Variants in FABP12 observed in about 807,000 individuals in gnomAD.
The protein encoded by FABP12 is fatty acid-binding protein 12.
In FABP12, 19 loss-of-function variants were observed where a neutral mutation model predicts 13.7. The observed-to-expected ratio is 1.39, with a 90% CI of 0.97 to 2.04. The LOEUF is 2.04. FABP12 is among the 30% of genes most tolerant of loss of function. The probability of loss-of-function intolerance (pLI) is 0.00; values close to 1 mark genes in which losing one functional copy is unlikely to be tolerated. For synonymous variants in FABP12, 61 were observed against 57.0 expected, an observed-to-expected ratio of 1.07 and a Z score of -0.32; for missense variants, 182 against 164.2, an observed-to-expected ratio of 1.11 and a Z score of -0.59.
chr8:81,568,108 C>G (rs1181829646), intron 1 of FABP12, among the ~76,000 whole-genome samples: 1 of 145,152 alleles, frequency 6.9e-6, no homozygotes, highest in Non-Finnish European at 1.5e-5. Context: ...CCCGCCTGGG[C>G]GACAGAGCGA....
chr8:81,587,755 G>A (rs1270575876), intron 1 of FABP12, among the ~76,000 whole-genome samples: 2 of 151,886 alleles, frequency 1.3e-5, no homozygotes, highest in Non-Finnish European at 2.9e-5. Flanking sequence ...TTCTCTAGAG[G>A]GACAGAACTA....
chr8:81,530,135 C>T (rs577653416), intron 2 of FABP12, among the ~76,000 whole-genome samples: 63 of 152,186 alleles, frequency 4.1e-4, no homozygotes, highest in African/African-American at 1.4e-3. Flanking sequence ...TTTGAAGTTA[C>T]AATTCAGTGG....
chr8:81,579,302 C>T (rs748305413), intron 1 of FABP12, among the ~76,000 whole-genome samples: 14 of 151,952 alleles, frequency 9.2e-5, no homozygotes, highest in South Asian at 2.1e-4. Context: ...CAGATTTCTC[C>T]GACAGCAATG....
Position 81,531,133 on chromosome 8 carries a change from A to G in FABP12, c.73+110T>C, listed in dbSNP as rs1585835467. 9.7e-6 allele frequency: 7 copies of G among 720,582 alleles called. No individual in the cohort carries two copies. In the East Asian group the frequency reaches 1.4e-4, roughly 14 times the overall value. The allele number at this position is 720,582 out of a possible 1,614,324, so 44.6% of individuals were successfully genotyped here. A position where few individuals can be genotyped will look rare whatever the true frequency, so the allele number is the denominator to read the frequency against. ...ACTCAATCAATATTTATTTTTTCCTATGTGAAAAATTAGGGAGTTCAAGAT... is the reference window on the plus strand; with the variant it reads ...ACTCAATCAATATTTATTTTTTCCTGTGTGAAAAATTAGGGAGTTCAAGAT... On this transcript the variant is annotated intron_variant, in intron 2 of 4. Coordinates refer to ENST00000360464, the Ensembl canonical transcript of FABP12.
At chr8:81,526,731 C>G (rs1808910973) in intron 4 of FABP12, among the ~76,000 whole-genome samples, 1 of 152,174 alleles carries the variant, frequency 6.6e-6, no homozygotes, top group Non-Finnish European at 1.5e-5. Flanking sequence ...CAACAACCCT[C>G]AACCCCTGCT....
At chr8:81,566,406 C>T (rs542167408) in intron 1 of FABP12, among the ~76,000 whole-genome samples, 1 of 152,106 alleles carries the variant, frequency 6.6e-6, no homozygotes, top group South Asian at 2.1e-4. Context: ...AACATTCATG[C>T]AAAAGTTCTC....
rs144359304 is a variant in FABP12, at chr8:81,580,989, C to T, written c.-185+9064G>A. On this transcript the variant is annotated intron_variant, in intron 1 of 5. Transcript: ENST00000692030. ...TCCAAGCTGCTTTATCCTAGAGGTTCTCTTACTCTCAGGGGAGAAATAGTA... is the reference window on the plus strand; with the variant it reads ...TCCAAGCTGCTTTATCCTAGAGGTTTTCTTACTCTCAGGGGAGAAATAGTA... 2.1e-3 allele frequency among the ~76,000 whole-genome samples: 316 copies of T among 152,302 alleles called. 5 individuals are homozygous for T. In the East Asian group the frequency reaches 0.045, roughly 21 times the overall value.
intron 1 of FABP12, among the ~76,000 whole-genome samples, chr8:81,575,382 T>G (rs1810021531): frequency 6.6e-6 from 1 of 152,208 alleles, no homozygotes; most frequent in Admixed American, 6.5e-5. Context: ...TCATATGGTC[T>G]TTCTTGGAGA....
chr8:81,581,041 A>G (rs1477436866), intron 1 of FABP12, among the ~76,000 whole-genome samples: 7 of 148,740 alleles, frequency 4.7e-5, no homozygotes, highest in African/African-American at 1.8e-4. Context: ...TGCATGGCCT[A>G]AAAGCATGGC....
At chr8:81,553,002 G>T (rs1473046053) in intron 1 of FABP12, among the ~76,000 whole-genome samples, 2 of 152,144 alleles carry the variant, frequency 1.3e-5, no homozygotes, top group African/African-American at 4.8e-5. Context: ...GAAAGTTCGG[G>T]GCTAGGGATT....
At chr8:81,525,636 C>A (rs940950045) in intron 4 of FABP12, among the ~76,000 whole-genome samples, 2 of 151,398 alleles carry the variant, frequency 1.3e-5, no homozygotes, top group African/African-American at 4.9e-5. Flanking sequence ...TTCTATATAA[C>A]CTATGTATGG....
At chr8:81,584,795 T>C (rs1810219629) in intron 1 of FABP12, among the ~76,000 whole-genome samples, 2 of 152,306 alleles carry the variant, frequency 1.3e-5, no homozygotes, top group South Asian at 4.1e-4. Flanking sequence ...TTCTCCATTT[T>C]CTCACCAGCA....
At chr8:81,538,562 C>T (rs1378228880), upstream of FABP12, among the ~76,000 whole-genome samples, 1 of 152,106 alleles carries the variant, frequency 6.6e-6, no homozygotes, top group Admixed American at 6.5e-5. Flanking sequence ...ATGAAGATAG[C>T]AATTGACGAG....
intron 1 of FABP12, among the ~76,000 whole-genome samples, chr8:81,551,243 C>T (rs28407839): frequency 0.11 from 16,719 of 152,100 alleles, 1,107 homozygotes; most frequent in East Asian, 0.25. Flanking sequence ...TTTTTAGAAG[C>T]TCTCTAAGTG....
rs117525695 is a variant in FABP12, at chr8:81,567,690, A to C, written c.-185+22363T>G. ...ATTAAAGATTTAAATCTAAGTCCAC[A>C]AACTATGAAACTATTAAAATAAAAA... On this transcript the variant is annotated intron_variant, in intron 1 of 5. Coordinates refer to the FABP12 transcript ENST00000692030. Among the ~76,000 whole-genome samples the C allele has an allele frequency of 9.6e-3, 1,461 of 152,338 alleles. 11 individuals are homozygous for C. Among genetic ancestry groups the C allele is most frequent in the South Asian group, 0.034 (164 of 4,824 alleles).
chr8:81,573,427 A>C (rs1439887709), intron 1 of FABP12, among the ~76,000 whole-genome samples: 1 of 152,080 alleles, frequency 6.6e-6, no homozygotes, highest in African/African-American at 2.4e-5. Flanking sequence ...GCTTTTGGCT[A>C]TGCAGGCTCT....
At chr8:81,588,832 G>C (rs1036045833) in intron 1 of FABP12, among the ~76,000 whole-genome samples, 2 of 152,194 alleles carry the variant, frequency 1.3e-5, no homozygotes, top group Non-Finnish European at 2.9e-5. Context: ...ACCACAGGAG[G>C]AGAAACAAAG....
intron 4 of FABP12, chr8:81,525,696 G>A (rs1808883288): frequency 6.6e-6 from 1 of 152,098 alleles, no homozygotes; most frequent in Admixed American, 6.5e-5. Context: ...GTTTATATAT[G>A]TATAAAGCAA....
At chr8:81,552,170 A>G (rs1354621156) in intron 1 of FABP12, among the ~76,000 whole-genome samples, 2 of 152,208 alleles carry the variant, frequency 1.3e-5, no homozygotes, top group Non-Finnish European at 1.5e-5. Flanking sequence ...GTGACATTTA[A>G]GCAATAGCTT....
Sources: allele counts gnomAD v4.1 joint callset (sites outside exome capture counted in the v4.1 genomes callset), GRCh38; gene constraint gnomAD v4.1.1; transcripts MANE v1.5; gene names NCBI Gene and HGNC (gene_info 2026-07-23, HGNC 2026-07-21).